ZNF521: variants seen among roughly 807,000 people sequenced by gnomAD.
ZNF521 encodes the protein zinc finger protein 521, also known as LYST-interacting protein 3.
ZNF521 carries 14 observed loss-of-function variants against 105.5 expected under a neutral mutation model. The ratio of observed to expected loss-of-function variants is 0.13; its 90% confidence interval spans 0.09 to 0.21. The LOEUF (loss-of-function observed/expected upper bound fraction) is 0.21. Ranked by LOEUF, ZNF521 falls within the 10% of genes least tolerant of loss-of-function variation. The pLI is 1.00. For missense variants in ZNF521, 1,233 were observed against 1,629.7 expected (o/e 0.76, Z 4.19); for synonymous variants, 635 against 606.0 (o/e 1.05, Z -0.70).
At chr18:25,220,093 G>T (rs1905608754) in intron 4 of ZNF521, among the ~76,000 whole-genome samples, 1 of 152,124 alleles carries the variant, frequency 6.6e-6, no homozygotes, top group African/African-American at 2.4e-5. Flanking sequence ...AGAGCAATGA[G>T]GGGGAAACAA....
chr18:25,253,140 C>T (rs1051880205), intron 3 of ZNF521, among the ~76,000 whole-genome samples: 12 of 152,218 alleles, frequency 7.9e-5, no homozygotes, highest in African/African-American at 2.9e-4. Flanking sequence ...TACAGCAGTA[C>T]TTGTTCATAA....
intron 2 of ZNF521, among the ~76,000 whole-genome samples, chr18:25,349,748 G>A (rs1319350265): frequency 6.6e-6 from 1 of 150,916 alleles, no homozygotes; most frequent in Non-Finnish European, 1.5e-5. Flanking sequence ...GGGACCAGAG[G>A]GCGGGGCCGG....
chr18:25,174,769 CCCCATG>C lies in ZNF521; in HGVS notation c.3658+20385_3658+20390del, dbSNP rs369319951. 5.9e-5 allele frequency among the ~76,000 whole-genome samples: 9 copies of C among 152,244 alleles called. No individual in the cohort carries two copies. The East Asian group carries it at 1.7e-3, about 29-fold the overall frequency. ...AAACAACATCTTTCACTGCTCTGAC[CCCCATG>C]CAAATTTAAATCCCCCAACCTTTCT... On this transcript the variant is annotated intron_variant, in intron 5 of 7. Coordinates refer to ENST00000361524, the MANE Select transcript of ZNF521 (RefSeq NM_015461.3).
intron 5 of ZNF521, among the ~76,000 whole-genome samples, chr18:25,191,347 C>T (rs192025738): frequency 3.9e-5 from 6 of 152,156 alleles, no homozygotes; most frequent in African/African-American, 1.2e-4. Context: ...CCTCCAAAGT[C>T]CATAACTATA....
At chr18:25,268,756 C>A (rs1421110213) in intron 3 of ZNF521, among the ~76,000 whole-genome samples, 1 of 152,120 alleles carries the variant, frequency 6.6e-6, no homozygotes, top group Non-Finnish European at 1.5e-5. Context: ...ACCAGGCCTG[C>A]CTTACAAGAA....
chr18:25,301,505 A>T (rs1480848566), intron 3 of ZNF521, among the ~76,000 whole-genome samples: 2 of 152,190 alleles, frequency 1.3e-5, no homozygotes, highest in African/African-American at 4.8e-5. Flanking sequence ...CACTCCCTAC[A>T]CAGAGTTGAC....
At chr18:25,257,430 A>G (rs913726730) in intron 3 of ZNF521, among the ~76,000 whole-genome samples, 1 of 152,192 alleles carries the variant, frequency 6.6e-6, no homozygotes, top group Non-Finnish European at 1.5e-5. Context: ...GTGACCTTAA[A>G]TACATAACTT....
intron 5 of ZNF521, among the ~76,000 whole-genome samples, chr18:25,108,816 G>A (rs1464582330): frequency 6.6e-6 from 1 of 152,030 alleles, no homozygotes; most frequent in Non-Finnish European, 1.5e-5. Flanking sequence ...GTAGAGATGG[G>A]GTTTCGCCAT....
chr18:25,280,566 C>T (rs1358018432), intron 3 of ZNF521, among the ~76,000 whole-genome samples: 1 of 152,090 alleles, frequency 6.6e-6, no homozygotes, highest in Non-Finnish European at 1.5e-5. Context: ...CCTAGAACTA[C>T]ATGTAGTACC....
intron 2 of ZNF521, among the ~76,000 whole-genome samples, chr18:25,342,904 T>C (rs931481789): frequency 2.0e-5 from 3 of 152,202 alleles, no homozygotes; most frequent in African/African-American, 4.8e-5. Flanking sequence ...TCTGGCTCTA[T>C]TGTGAAAGAT....
intron 5 of ZNF521, among the ~76,000 whole-genome samples, chr18:25,194,121 C>A (rs1429128132): frequency 6.6e-6 from 1 of 151,784 alleles, no homozygotes; most frequent in African/African-American, 2.4e-5. Context: ...TACAATCAAA[C>A]TTATTCCCCC....
At chr18:25,232,388 G>A (rs889281132) in intron 3 of ZNF521, among the ~76,000 whole-genome samples, 2 of 152,206 alleles carry the variant, frequency 1.3e-5, no homozygotes, top group Non-Finnish European at 1.5e-5. Flanking sequence ...AGATTTATAT[G>A]TGTTGCATGT....
chr18:25,166,816 T>C (rs187349409), intron 5 of ZNF521, among the ~76,000 whole-genome samples: 8 of 152,300 alleles, frequency 5.3e-5, no homozygotes, highest in Admixed American at 4.6e-4. Context: ...TTGATATTAA[T>C]GTTTAGTCCA....
intron 3 of ZNF521, among the ~76,000 whole-genome samples, chr18:25,314,209 C>T (rs1036300548): frequency 1.2e-4 from 18 of 152,100 alleles, no homozygotes; most frequent in Admixed American, 8.5e-4. Flanking sequence ...AAAAAAGGTT[C>T]TAAGCAGTTT....
At chr18:25,193,122 G>GA (rs1305700406) in intron 5 of ZNF521, among the ~76,000 whole-genome samples, 1 of 151,902 alleles carries the variant, frequency 6.6e-6, no homozygotes, top group East Asian at 1.9e-4. Context: ...AGGTAGAAGG[G>GA]AAAAAGCCTT....
chr18:25,075,170 T>C (rs2033330967), intron 7 of ZNF521, among the ~76,000 whole-genome samples: 2 of 152,150 alleles, frequency 1.3e-5, no homozygotes, highest in Non-Finnish European at 2.9e-5. Context: ...TTCTAATCAG[T>C]CCTCAAAGGA....
At chr18:25,084,529 C>T (rs2033577701) in intron 7 of ZNF521, among the ~76,000 whole-genome samples, 1 of 140,202 alleles carries the variant, frequency 7.1e-6, no homozygotes, top group South Asian at 2.2e-4. Flanking sequence ...TCGGTATATC[C>T]CTCAAATGTC....
intron 3 of ZNF521, among the ~76,000 whole-genome samples, chr18:25,299,954 G>T (rs1911539593): frequency 6.6e-6 from 1 of 152,158 alleles, no homozygotes; most frequent in Admixed American, 6.5e-5. Context: ...CCATCAAGAA[G>T]TGGAGTTTAT....
At chr18:25,199,495 T>C (rs918061625) in intron 4 of ZNF521, among the ~76,000 whole-genome samples, 1 of 151,940 alleles carries the variant, frequency 6.6e-6, no homozygotes, top group African/African-American at 2.4e-5. Context: ...GATGTGATAA[T>C]GGTATTGGGG....
Sources: allele counts gnomAD v4.1 joint callset (sites outside exome capture counted in the v4.1 genomes callset), GRCh38; gene constraint gnomAD v4.1.1; transcripts MANE v1.5; gene names NCBI Gene and HGNC (gene_info 2026-07-23, HGNC 2026-07-21).